CHODL: variants seen among roughly 807,000 people sequenced by gnomAD.
CHODL encodes transmembrane protein MT75.
In CHODL, 29 loss-of-function variants were observed where a neutral mutation model predicts 34.5. That is an observed-to-expected ratio of 0.84 (90% CI 0.63 to 1.15). The LOEUF is 1.15. Among genes scored for constraint, CHODL ranks in the 50% most tolerant of loss-of-function variants. The pLI, the probability that CHODL is intolerant of heterozygous loss-of-function variation, is 0.00. For synonymous variants in CHODL, 125 were observed against 116.1 expected, an observed-to-expected ratio of 1.08 and a Z score of -0.49; for missense variants, 332 against 332.5, an observed-to-expected ratio of 1.00 and a Z score of 0.01.
intron 2 of CHODL, among the ~76,000 whole-genome samples, chr21:18,166,494 T>C (rs2073154956): frequency 6.6e-6 from 1 of 152,160 alleles, no homozygotes; most frequent in South Asian, 2.1e-4. Context: ...GTATGAACAT[T>C]AGGAAGTAGA....
intron 1 of CHODL, among the ~76,000 whole-genome samples, chr21:17,961,222 C>G (rs2063529897): frequency 6.6e-6 from 1 of 152,192 alleles, no homozygotes. Context: ...GTAGCATGTT[C>G]TCTTACCTCT....
chr21:17,970,413 T>C (rs1280727685), intron 1 of CHODL, among the ~76,000 whole-genome samples: 1 of 152,140 alleles, frequency 6.6e-6, no homozygotes, highest in Non-Finnish European at 1.5e-5. Context: ...CTTACTGTAA[T>C]AAGGAAGGTG....
intron 1 of CHODL, among the ~76,000 whole-genome samples, chr21:17,966,825 G>A (rs144231355): frequency 1.3e-5 from 2 of 151,776 alleles, no homozygotes; most frequent in East Asian, 3.9e-4. Context: ...TAGCTCCAGT[G>A]TTTGGTGATA....
At chr21:18,080,502 T>A (rs1178456813) in intron 2 of CHODL, among the ~76,000 whole-genome samples, 3 of 152,182 alleles carry the variant, frequency 2.0e-5, no homozygotes, top group Non-Finnish European at 4.4e-5. Flanking sequence ...TGAGTTGATT[T>A]TTGTATATGG....
In CHODL at chr21:18,071,201, A is replaced by G. The variant is rs550613057; in HGVS notation, c.-45+43230A>G. Among the ~76,000 whole-genome samples, 3 of 140,126 alleles carry G rather than the reference A, an allele frequency of 2.1e-5. No homozygotes were observed. In the Admixed American group the frequency reaches 2.3e-4, roughly 11 times the overall value. 91.9% of individuals were successfully genotyped at this position (140,126 alleles called of 152,430 possible). On this transcript the variant is annotated intron_variant, in intron 2 of 6. Coordinates refer to the CHODL transcript ENST00000400127. ...CTCACCCTGTCCCCCAGGCTGGAGTACAATGGTGCAGTGCAGCTCACTGCA... is the reference window on the plus strand; with the variant it reads ...CTCACCCTGTCCCCCAGGCTGGAGTGCAATGGTGCAGTGCAGCTCACTGCA...
intron 2 of CHODL, among the ~76,000 whole-genome samples, chr21:18,074,246 T>C (rs1280626568): frequency 1.3e-5 from 2 of 152,182 alleles, no homozygotes; most frequent in Non-Finnish European, 2.9e-5. Context: ...GCTATGTGCA[T>C]GTCTGTTAGA....
At chr21:18,086,372 G>A (rs1258297622) in intron 2 of CHODL, among the ~76,000 whole-genome samples, 1 of 151,856 alleles carries the variant, frequency 6.6e-6, no homozygotes, top group East Asian at 1.9e-4. Flanking sequence ...TTTTTAAACG[G>A]AATATGTTGC....
intron 2 of CHODL, among the ~76,000 whole-genome samples, chr21:18,195,996 G>GGA (rs1482009491): frequency 1.3e-5 from 2 of 152,208 alleles, no homozygotes; most frequent in African/African-American, 4.8e-5. Context: ...ACATACACAA[G>GGA]TTATATGGAT....
chr21:18,033,642 A>C (rs2146443124), intron 2 of CHODL, among the ~76,000 whole-genome samples: 1 of 152,116 alleles, frequency 6.6e-6, no homozygotes, highest in Non-Finnish European at 1.5e-5. Flanking sequence ...TGTGGGAGTA[A>C]CAGCCCATTG....
intron 1 of CHODL, among the ~76,000 whole-genome samples, chr21:18,019,735 C>T (rs2064110226): frequency 6.6e-6 from 1 of 152,126 alleles, no homozygotes; most frequent in African/African-American, 2.4e-5. Flanking sequence ...CTCTGACTTA[C>T]AAACAAGAGT....
At chr21:17,995,202 G>A (rs960784584) in intron 1 of CHODL, among the ~76,000 whole-genome samples, 1 of 152,074 alleles carries the variant, frequency 6.6e-6, no homozygotes, top group Non-Finnish European at 1.5e-5. Context: ...CTCTCAAAAT[G>A]GTGCCGTGCT....
Position 18,073,356 on chromosome 21 carries a change from G to C in CHODL, c.-45+45385G>C, listed in dbSNP as rs2064828398. ...GCAAGTGAAATTGGTTGCATTTTGA[G>C]TAGATTTCAGACTGTAGTTTTACCT... is the stretch of plus-strand genomic sequence containing the variant. On this transcript the variant is annotated intron_variant, in intron 2 of 6. Coordinates refer to the CHODL transcript ENST00000400127. 2.6e-5 allele frequency among the ~76,000 whole-genome samples: 4 copies of C among 152,102 alleles called. No homozygotes were observed. The South Asian group carries it at 8.3e-4, about 31-fold the overall frequency.
chr21:18,077,936 T>C (rs2064886336), intron 2 of CHODL, among the ~76,000 whole-genome samples: 2 of 152,214 alleles, frequency 1.3e-5, no homozygotes, highest in Non-Finnish European at 2.9e-5. Flanking sequence ...CCATATGTTA[T>C]GTACAATGGC....
chr21:18,011,416 CT>C (rs1272207119), intron 1 of CHODL, among the ~76,000 whole-genome samples: 1 of 152,026 alleles, frequency 6.6e-6, no homozygotes, highest in African/African-American at 2.4e-5. Flanking sequence ...AAATCTGAAG[CT>C]TGGGTTTTGA....
At chr21:18,165,036 A>C (rs993985142) in intron 2 of CHODL, among the ~76,000 whole-genome samples, 1 of 152,024 alleles carries the variant, frequency 6.6e-6, no homozygotes, top group Non-Finnish European at 1.5e-5. Flanking sequence ...TGGTACTGAT[A>C]TTTTGGAACG....
At chr21:18,174,133 ATATATATATATATATATAT>A (rs2073269075) in intron 2 of CHODL, among the ~76,000 whole-genome samples, 1 of 17,840 alleles carries the variant, frequency 5.6e-5, no homozygotes, top group African/African-American at 1.1e-4. Context: ...GTATATATAT[ATATATATATATATATATAT>A]ATATATATAA....
intron 2 of CHODL, among the ~76,000 whole-genome samples, chr21:18,086,655 G>T (rs372050611): frequency 6.6e-6 from 1 of 152,178 alleles, no homozygotes. Flanking sequence ...TTAGGGTACA[G>T]TTATTAGATG....
At chr21:18,013,635 C>CTATTTTTTTTTTTTTT (rs2064040705) in intron 1 of CHODL, among the ~76,000 whole-genome samples, 1 of 71,896 alleles carries the variant, frequency 1.4e-5, no homozygotes, top group Non-Finnish European at 2.5e-5. Context: ...GCTGCTGCTG[C>CTATTTTTTTTTTTTTT]TTTTTTTTTT....
intron 2 of CHODL, among the ~76,000 whole-genome samples, chr21:18,225,859 T>G (rs2073926450): frequency 6.6e-6 from 1 of 152,062 alleles, no homozygotes; most frequent in Non-Finnish European, 1.5e-5. Flanking sequence ...ATAAATAGAC[T>G]GCCTACTCCA....
Sources: gnomAD v4.1 joint callset for allele counts (sites outside exome capture counted in the v4.1 genomes callset) on GRCh38, gnomAD v4.1.1 for gene constraint, MANE v1.5 for transcripts, NCBI Gene and HGNC (gene_info 2026-07-23, HGNC 2026-07-21) for gene names.